The following CNOT1 variants were observed in gnomAD, a reference collection of about 807,000 sequenced individuals.
CNOT1 encodes the protein CCR4-NOT transcription complex subunit 1, also known as CCR4-associated factor 1.
A neutral mutation model predicts 273.8 loss-of-function variants in CNOT1; 15 were observed. The observed-to-expected ratio is 0.05, with a 90% CI of 0.04 to 0.08. The LOEUF is 0.08. CNOT1 is among the 10% of genes least tolerant of loss of function. CNOT1 has a pLI of 1.00. For missense variants in CNOT1, 1,644 were observed against 2,912.2 expected (o/e 0.56, Z 10.02); for synonymous variants, 1,022 against 1,005.5 (o/e 1.02, Z -0.31).
At position 58,520,843 on chromosome 16, in the gene CNOT1, C is replaced by A. The variant is rs1380483897; in HGVS notation, c.*115G>T. ...CCCAACAGTAGTTGGGGCAGATACC[C>A]ACAAACCAAAGGGCTGGGAAAGTCA... On this transcript the variant is annotated 3_prime_UTR_variant, in exon 49 of 49. Coordinates refer to ENST00000317147, the MANE Select transcript of CNOT1 (RefSeq NM_016284.5). 1.2e-5 allele frequency: 13 copies of A among 1,089,928 alleles called. No individual in the cohort carries two copies. In the Admixed American group the frequency reaches 2.4e-4, roughly 20 times the overall value. 67.5% of individuals were successfully genotyped at this position (1,089,928 alleles called of 1,614,324 possible).
chr16:58,562,140 A>G (rs1334688235), intron 16 of CNOT1, among the ~76,000 whole-genome samples: 2 of 151,190 alleles, frequency 1.3e-5, no homozygotes, highest in East Asian at 3.9e-4. Context: ...CCAAGATTGC[A>G]CTACTGTACT....
At chr16:58,581,613 T>G in intron 10 of CNOT1, 98 bp from the exon 11 acceptor site, 2 of 1,435,016 alleles carry the variant, frequency 1.4e-6, no homozygotes, top group South Asian at 1.6e-5. Context: ...AATTTAGATG[T>G]TCTACTTACA....
chr16:58,620,785 G>A (rs1384774546), intron 1 of CNOT1, among the ~76,000 whole-genome samples: 2 of 151,508 alleles, frequency 1.3e-5, no homozygotes, highest in African/African-American at 2.4e-5. Context: ...TCCAGATGAA[G>A]GTATTAGAAT....
At chr16:58,524,046 A>G (rs1337547857) in intron 46 of CNOT1, among the ~76,000 whole-genome samples, 1 of 152,020 alleles carries the variant, frequency 6.6e-6, no homozygotes, top group African/African-American at 2.4e-5. Context: ...TCAGGGGTTC[A>G]AGACCAGCGT....
At chr16:58,563,949 G>A (rs141786499) in intron 16 of CNOT1, among the ~76,000 whole-genome samples, 207 of 152,272 alleles carry the variant, frequency 1.4e-3, no homozygotes, top group African/African-American at 3.1e-3. Flanking sequence ...ATACAAAAGC[G>A]AAAACAATGC....
intron 2 of CNOT1, among the ~76,000 whole-genome samples, chr16:58,596,265 T>C (rs1377737365): frequency 1.1e-5 from 1 of 93,854 alleles, no homozygotes; most frequent in Non-Finnish European, 2.2e-5. Context: ...GGACCACTTC[T>C]GGCTGCAGCA....
intron 22 of CNOT1, among the ~76,000 whole-genome samples, chr16:58,553,444 T>C (rs2040521624): frequency 6.6e-6 from 1 of 152,180 alleles, no homozygotes; most frequent in Admixed American, 6.5e-5. Flanking sequence ...TCCAATTCCC[T>C]TTTAGCATCA....
At chr16:58,571,812 T>C (rs1177442131) in intron 16 of CNOT1, among the ~76,000 whole-genome samples, 1 of 151,858 alleles carries the variant, frequency 6.6e-6, no homozygotes, top group Non-Finnish European at 1.5e-5. Flanking sequence ...ATCCCATCTC[T>C]ACTAAAAATT....
intron 35 of CNOT1, 151 bp downstream of exon 35, chr16:58,539,617 T>C (rs1366391360): frequency 1.7e-5 from 12 of 701,240 alleles, no homozygotes; most frequent in Non-Finnish European, 2.5e-5. Flanking sequence ...GACTACATTC[T>C]ACGTTGGAAA....
Position 58,520,730 on chromosome 16 carries a change from A to G in CNOT1, c.*228T>C, listed in dbSNP as rs1033638026. On this transcript the variant is annotated 3_prime_UTR_variant, in exon 49 of 49. Coordinates refer to ENST00000317147, the MANE Select transcript of CNOT1 (RefSeq NM_016284.5). ...CATGTATTTACACAAGTTCAAAATG[A>G]TATTCACAGCATCTTCTAAATTTTG... The G allele has an allele frequency of 8.9e-6, 5 of 558,710 alleles. No individual in the cohort carries two copies. The highest frequency in any genetic ancestry group is 1.3e-5 in the Non-Finnish European group (4 of 312,208). 34.6% of individuals were successfully genotyped at this position (558,710 alleles called of 1,614,324 possible).
At chr16:58,541,897 A>C (rs2040107424) in intron 33 of CNOT1, among the ~76,000 whole-genome samples, 1 of 152,208 alleles carries the variant, frequency 6.6e-6, no homozygotes, top group African/African-American at 2.4e-5. Context: ...TCTCCCTTGA[A>C]GCTGGTAAAT....
At chr16:58,522,406 G>C (rs1430599941) in intron 47 of CNOT1, among the ~76,000 whole-genome samples, 1 of 152,122 alleles carries the variant, frequency 6.6e-6, no homozygotes, top group Non-Finnish European at 1.5e-5. Context: ...ACTTACTGCA[G>C]CTTTATATAA....
At chr16:58,582,142 A>T (rs1000975288) in intron 10 of CNOT1, among the ~76,000 whole-genome samples, 4 of 151,102 alleles carry the variant, frequency 2.6e-5, no homozygotes, top group Non-Finnish European at 4.4e-5. Context: ...AAAAAAAAAA[A>T]TTAGCCAGGC....
chr16:58,583,118 C>A lies in CNOT1; in HGVS notation c.871G>T (p.Ala291Ser). The A allele has an allele frequency of 6.2e-7, 1 of 1,614,014 alleles. No individual in the cohort carries two copies. Among genetic ancestry groups the A allele is most frequent in the Non-Finnish European group, 8.5e-7 (1 of 1,180,024 alleles). Residue 291 changes from alanine to serine, a missense_variant, in exon 9 of 49, where the codon GCA becomes TCA. By Grantham distance (99) the Ala-to-Ser change is moderately conservative. Coordinates refer to ENST00000317147, the MANE Select transcript of CNOT1 (RefSeq NM_016284.5). ...GVREVTAAQVARVLGMMARTH... is the reference protein window; with the variant it reads ...GVREVTAAQVSRVLGMMARTH... ...CGAGCCATCATTCCCAAAACCCTTG[C>A]AACCTGGGCAGCTGTGACCTCCCGA...
chr16:58,525,525 A>G, intron 45 of CNOT1, 166 bp from the exon 46 acceptor site: 1 of 631,630 alleles, frequency 1.6e-6, no homozygotes, highest in Non-Finnish European at 2.7e-6. Flanking sequence ...AGATGCTCCA[A>G]AGGTGGTTGT....
chr16:58,582,123 C>CA (rs930219983), intron 10 of CNOT1, among the ~76,000 whole-genome samples: 50,456 of 99,388 alleles, frequency 0.51, 10,442 homozygotes, highest in Non-Finnish European at 0.58. Context: ...ACTAAAAATA[C>CA]AAAAAAAAAA....
intron 8 of CNOT1, among the ~76,000 whole-genome samples, chr16:58,584,969 A>G (rs561973539): frequency 3.3e-5 from 5 of 152,284 alleles, no homozygotes; most frequent in African/African-American, 1.2e-4. Context: ...TGAAGAAATT[A>G]GAGGGGTGGG....
At chr16:58,560,629 A>T (rs1228842906) in intron 16 of CNOT1, among the ~76,000 whole-genome samples, 1 of 152,144 alleles carries the variant, frequency 6.6e-6, no homozygotes, top group Non-Finnish European at 1.5e-5. Flanking sequence ...CTGTAGTCTC[A>T]CTGCTTTGAA....
At chr16:58,606,120 T>C (rs1393354997) in intron 1 of CNOT1, among the ~76,000 whole-genome samples, 1 of 152,056 alleles carries the variant, frequency 6.6e-6, no homozygotes, top group African/African-American at 2.4e-5. Flanking sequence ...TAATATAAAG[T>C]AGCCAAGCAT....
Sources: allele counts gnomAD v4.1 joint callset (sites outside exome capture counted in the v4.1 genomes callset), GRCh38; gene constraint gnomAD v4.1.1; transcripts MANE v1.5; gene names NCBI Gene and HGNC (gene_info 2026-07-23, HGNC 2026-07-21).